SPPL2A: variants seen among roughly 807,000 people sequenced by gnomAD.
SPPL2A encodes the protein signal peptide peptidase-like 2A.
In SPPL2A, 51 loss-of-function variants were observed where a neutral mutation model predicts 63.8. The ratio of observed to expected loss-of-function variants is 0.80; its 90% CI spans 0.64 to 1.01. SPPL2A has a LOEUF of 1.01. Among genes scored for constraint, SPPL2A ranks in the 50% least tolerant of loss-of-function variants. The pLI is 0.00. For synonymous variants in SPPL2A, 188 were observed against 205.8 expected (o/e 0.91, Z 0.74); for missense variants, 553 against 622.7 (o/e 0.89, Z 1.19).
chr15:50,760,093 T>C (rs2062996291), intron 1 of SPPL2A, among the ~76,000 whole-genome samples: 1 of 152,182 alleles, frequency 6.6e-6, no homozygotes, highest in Non-Finnish European at 1.5e-5. Context: ...CATAACAAAG[T>C]ACCACAAACT....
intron 13 of SPPL2A, among the ~76,000 whole-genome samples, chr15:50,721,799 G>A (rs2141026543): frequency 6.6e-6 from 1 of 152,020 alleles, no homozygotes; most frequent in Non-Finnish European, 1.5e-5. Flanking sequence ...GTAGAGACAG[G>A]GTTTCATCAT....
At chr15:50,708,988 G>A (rs2062535992) in intron 14 of SPPL2A, among the ~76,000 whole-genome samples, 1 of 151,668 alleles carries the variant, frequency 6.6e-6, no homozygotes, top group African/African-American at 2.4e-5. Context: ...AGTGAGCCGA[G>A]ATCGTGCTAC....
chr15:50,726,402 T>C (rs1327260211), intron 10 of SPPL2A, 25 bp from the exon 11 acceptor site: 1 of 1,605,628 alleles, frequency 6.2e-7, no homozygotes, highest in South Asian at 1.1e-5. Flanking sequence ...GAAAAGAAGT[T>C]GTCTAATCAT....
chr15:50,725,335 CAA>C lies in SPPL2A; in HGVS notation c.1147-14_1147-13del. 2.0e-6 allele frequency: 1 copy of C among 492,022 alleles called. No individual in the cohort carries two copies. The highest frequency in any genetic ancestry group is 4.4e-5 in the Admixed American group (1 of 22,700). The allele number at this position is 492,022 out of a possible 1,614,324, so 30.5% of individuals were successfully genotyped here. A position where few individuals can be genotyped will look rare whatever the true frequency, so the allele number is the denominator to read the frequency against. Reference sequence around the variant, plus strand: ...ATGACTACTGGCAACTGTTCAAAAACAAAACAAAACAAAACAAAACAAAACAA... The same window carrying C: ...ATGACTACTGGCAACTGTTCAAAAACAACAAAACAAAACAAAACAAAACAA... On this transcript the variant is annotated splice_polypyrimidine_tract_variant and intron_variant, in intron 11 of 14. Coordinates refer to ENST00000261854, the MANE Select transcript of SPPL2A (RefSeq NM_032802.4).
chr15:50,755,795 T>C (rs2062952831), intron 1 of SPPL2A, among the ~76,000 whole-genome samples: 1 of 151,978 alleles, frequency 6.6e-6, no homozygotes, highest in East Asian at 1.9e-4. Context: ...ATAGGAGCAG[T>C]GCTTATAGGA....
chr15:50,705,897 T>C lies in SPPL2A; in HGVS notation c.*1903A>G, dbSNP rs1367560674. ...ACATTATTTACAGAGAAATGAAAAA[T>C]CCTGCTGCCTTTGTTATCACTTGTC... On this transcript the variant is annotated 3_prime_UTR_variant, in exon 15 of 15. Transcript: ENST00000261854. 6.6e-6 allele frequency: 1 copy of C among 152,172 alleles called. No homozygotes were observed. Among genetic ancestry groups the C allele is most frequent in the African/African-American group, 2.4e-5 (1 of 41,448 alleles). The allele number at this position is 152,172 out of a possible 1,614,324, so 9.4% of individuals were successfully genotyped here.
chr15:50,723,617 G>T (rs2062664494), intron 12 of SPPL2A, among the ~76,000 whole-genome samples: 5 of 152,012 alleles, frequency 3.3e-5, no homozygotes. Flanking sequence ...CTGGGATTAT[G>T]GGCGTGTGCT....
intron 14 of SPPL2A, among the ~76,000 whole-genome samples, chr15:50,711,310 A>T (rs2062556345): frequency 6.6e-6 from 1 of 151,402 alleles, no homozygotes; most frequent in Non-Finnish European, 1.5e-5. Context: ...CCCGGGTTCA[A>T]GCAATTCTCC....
At chr15:50,758,616 T>C (rs2062981798) in intron 1 of SPPL2A, among the ~76,000 whole-genome samples, 1 of 151,904 alleles carries the variant, frequency 6.6e-6, no homozygotes, top group East Asian at 2.0e-4. Context: ...GCGTGAGCCA[T>C]CATGCCCAGC....
intron 10 of SPPL2A, 82 bp downstream of exon 10, chr15:50,730,883 G>T: frequency 1.5e-6 from 1 of 662,258 alleles, no homozygotes; most frequent in Non-Finnish European, 2.8e-6. Context: ...GTAAACATCT[G>T]CAAAATTAAT....
chr15:50,763,325 G>A (rs2063028214), intron 1 of SPPL2A, among the ~76,000 whole-genome samples: 1 of 152,080 alleles, frequency 6.6e-6, no homozygotes, highest in Non-Finnish European at 1.5e-5. Context: ...GGAAATTAAA[G>A]GAAGGAGGAA....
intron 14 of SPPL2A, among the ~76,000 whole-genome samples, chr15:50,719,406 G>A (rs919112818): frequency 3.3e-5 from 5 of 151,956 alleles, no homozygotes; most frequent in Non-Finnish European, 5.9e-5. Context: ...CACAACACCC[G>A]GCTAATTTTT....
At chr15:50,733,753 C>T (rs1422589963) in intron 8 of SPPL2A, among the ~76,000 whole-genome samples, 1 of 151,862 alleles carries the variant, frequency 6.6e-6, no homozygotes, top group Non-Finnish European at 1.5e-5. Context: ...AAAATATCTG[C>T]AAACTACCCA....
intron 10 of SPPL2A, among the ~76,000 whole-genome samples, chr15:50,728,387 A>G (rs1326181673): frequency 1.3e-5 from 2 of 152,090 alleles, no homozygotes; most frequent in African/African-American, 4.8e-5. Flanking sequence ...TCTGTTGCCC[A>G]GGCTGGAGTG....
chr15:50,765,447 C>A, intron 1 of SPPL2A, 21 bp downstream of exon 1: 1 of 1,497,888 alleles, frequency 6.7e-7, no homozygotes, highest in South Asian at 1.2e-5. Flanking sequence ...GGGAGGCCTG[C>A]GCGCCTTCCC....
At chr15:50,708,806 G>C (rs1212864552) in intron 14 of SPPL2A, among the ~76,000 whole-genome samples, 2 of 151,950 alleles carry the variant, frequency 1.3e-5, no homozygotes, top group African/African-American at 4.8e-5. Flanking sequence ...GGCCGAAGTG[G>C]GTGGATCACG....
chr15:50,709,807 AT>A (rs1252705564), intron 14 of SPPL2A, among the ~76,000 whole-genome samples: 7 of 152,072 alleles, frequency 4.6e-5, no homozygotes, highest in Non-Finnish European at 1.0e-4. Context: ...AATAAAAAAA[AT>A]AAAAAAATAA....
In SPPL2A at chr15:50,740,761, C is replaced by G. The variant is rs190486922; in HGVS notation, c.585-933G>C. Among the ~76,000 whole-genome samples the G allele has an allele frequency of 1.6e-3, 248 of 152,160 alleles. 1 individual carries two copies. Among genetic ancestry groups the G allele is most frequent in the South Asian group, 0.011 (51 of 4,820 alleles). On this transcript the variant is annotated intron_variant, in intron 5 of 14. Coordinates refer to ENST00000261854, the MANE Select transcript of SPPL2A (RefSeq NM_032802.4). ...AAGTAGCTGGGACTACAGGCACATG[C>G]GGTTAGGCCCGGCTAATTTTTTGTA...
intron 1 of SPPL2A, among the ~76,000 whole-genome samples, chr15:50,751,318 A>G (rs1161584225): frequency 2.0e-5 from 3 of 152,212 alleles, no homozygotes; most frequent in East Asian, 1.9e-4. Context: ...TTCTGATTCA[A>G]TGTCACTGTT....
Sources: gnomAD v4.1 joint callset for allele counts (sites outside exome capture counted in the v4.1 genomes callset) on GRCh38, gnomAD v4.1.1 for gene constraint, MANE v1.5 for transcripts, NCBI Gene and HGNC (gene_info 2026-07-23, HGNC 2026-07-21) for gene names.